The following MON2 variants were observed in gnomAD, a reference collection of about 807,000 sequenced individuals.
MON2 encodes MON2 regulator of endosome-to-Golgi trafficking.
MON2 carries 84 observed loss-of-function variants against 208.6 expected under a neutral mutation model. The ratio of observed to expected loss-of-function variants is 0.40; its 90% CI spans 0.34 to 0.48. The LOEUF (loss-of-function observed/expected upper bound fraction) is 0.48. Among genes scored for constraint, MON2 ranks in the 20% least tolerant of loss-of-function variants. The pLI is 0.59. For missense variants in MON2, 1,611 were observed against 2,015.4 expected (o/e 0.80, Z 3.84); for synonymous variants, 660 against 694.0 (o/e 0.95, Z 0.77).
Position 62,570,722 on chromosome 12 carries a change from C to CTTTTTTTT in MON2, c.4324-648_4324-641dup, listed in dbSNP as rs1192680038. On this transcript the variant is annotated intron_variant, in intron 29 of 34. Coordinates refer to ENST00000393630, the MANE Select transcript of MON2 (RefSeq NM_015026.3). ...ATAACTATGGCAGAATTTTCTTTTT[C>CTTTTTTTT]TTTTTTTTTTTTTTTTTTTTTTTTT... Among the ~76,000 whole-genome samples, 670 of 70,958 alleles carry CTTTTTTTT rather than the reference C, an allele frequency of 9.4e-3. 44 individuals carry two copies. Among genetic ancestry groups the CTTTTTTTT allele is most frequent in the African/African-American group, 0.01 (174 of 17,052 alleles). 46.6% of individuals were successfully genotyped at this position (70,958 alleles called of 152,430 possible). A position where few individuals can be genotyped will look rare whatever the true frequency, so the allele number is the denominator to read the frequency against.
chr12:62,572,206 A>G (rs2074617642), intron 30 of MON2, among the ~76,000 whole-genome samples: 1 of 152,236 alleles, frequency 6.6e-6, no homozygotes, highest in African/African-American at 2.4e-5. Context: ...AACTTTAAAT[A>G]AAATTAAAAT....
rs577622949 is a variant in MON2, at chr12:62,498,218, A to C, written c.436-701A>C. ...TTTCACAAATATTATTCTAAGTGGA[A>C]GAAGGTGGGCCCAAATGAGCACATA... On this transcript the variant is annotated intron_variant, in intron 4 of 34. Coordinates refer to ENST00000393630, the MANE Select transcript of MON2 (RefSeq NM_015026.3). Among the ~76,000 whole-genome samples the C allele has an allele frequency of 2.0e-5, 3 of 152,326 alleles. No homozygotes were observed. In the East Asian group the frequency reaches 5.8e-4, roughly 29 times the overall value.
intron 7 of MON2, among the ~76,000 whole-genome samples, chr12:62,502,844 T>A (rs1317650662): frequency 2.0e-5 from 3 of 152,218 alleles, no homozygotes; most frequent in African/African-American, 7.2e-5. Flanking sequence ...CATTTTATCC[T>A]TTGCTCTTAC....
intron 11 of MON2, among the ~76,000 whole-genome samples, chr12:62,530,366 G>A (rs2072571925): frequency 6.6e-6 from 1 of 151,590 alleles, no homozygotes; most frequent in Admixed American, 6.6e-5. Context: ...GAGTAGCTGT[G>A]ACTACAGGTT....
chr12:62,531,924 C>T (rs566087126), intron 11 of MON2, among the ~76,000 whole-genome samples: 53 of 152,202 alleles, frequency 3.5e-4, no homozygotes, highest in Non-Finnish European at 4.4e-5. Flanking sequence ...CACCTGCCAC[C>T]ACGCCTGGCT....
At chr12:62,590,031 T>G (rs1417391034) in intron 34 of MON2, among the ~76,000 whole-genome samples, 1 of 152,198 alleles carries the variant, frequency 6.6e-6, no homozygotes, top group Admixed American at 6.5e-5. Context: ...TTATTTGTTT[T>G]GGGGCTTTTT....
At chr12:62,497,158 G>C (rs1419804307) in intron 4 of MON2, among the ~76,000 whole-genome samples, 1 of 134,366 alleles carries the variant, frequency 7.4e-6, no homozygotes, top group African/African-American at 2.9e-5. Context: ...GGCCTGTTGT[G>C]GGGTTGGGGG....
At chr12:62,472,019 G>A (rs2068813921) in intron 1 of MON2, among the ~76,000 whole-genome samples, 1 of 152,184 alleles carries the variant, frequency 6.6e-6, no homozygotes, top group Non-Finnish European at 1.5e-5. Context: ...GAAGTAGGGG[G>A]TGGCAAGTTT....
intron 8 of MON2, among the ~76,000 whole-genome samples, chr12:62,519,942 A>G (rs903063739): frequency 6.6e-6 from 1 of 152,132 alleles, no homozygotes; most frequent in Non-Finnish European, 1.5e-5. Flanking sequence ...CAGCCTCTTG[A>G]GTAGCTGGGA....
intron 25 of MON2, 110 bp from the exon 26 acceptor site, chr12:62,560,381 T>C: frequency 9.3e-7 from 1 of 1,077,704 alleles, no homozygotes; most frequent in Non-Finnish European, 1.3e-6. Flanking sequence ...TTTCCAGTTC[T>C]GTAGGATTTT....
At chr12:62,523,499 T>A (rs1272286625) in intron 8 of MON2, among the ~76,000 whole-genome samples, 1 of 152,172 alleles carries the variant, frequency 6.6e-6, no homozygotes, top group Non-Finnish European at 1.5e-5. Context: ...TCATTAGCAG[T>A]CTAAATGATA....
intron 13 of MON2, 52 bp from the exon 14 acceptor site, chr12:62,535,473 C>A (rs368252062): frequency 9.2e-6 from 12 of 1,310,528 alleles, no homozygotes; most frequent in Non-Finnish European, 1.2e-5. Context: ...TCATGCTTTA[C>A]AATGTAATTA....
At position 62,501,683 on chromosome 12, in the gene MON2, G is replaced by A. The variant is rs768154548; in HGVS notation, c.774G>A (p.Pro258=). The A allele has an allele frequency of 1.4e-5, 23 of 1,613,964 alleles. No homozygotes were observed. Among genetic ancestry groups the A allele is most frequent in the East Asian group, 4.5e-5 (2 of 44,890 alleles). The change falls in exon 7 of 35, where the codon CCG becomes CCA. Residue 258 remains proline, a synonymous_variant. Transcript: ENST00000393630. ...TTGAGTCAGTCCTCAATGATTTTCC[G>A]CAGGTCTTTTTACAAGTAAGCCATT... is the stretch of plus-strand genomic sequence containing the variant. ...ELLESVLNDF[P]QVFLQHQEFS...
chr12:62,537,843 A>C (rs1371536082), intron 16 of MON2, 137 bp downstream of exon 16: 5 of 740,374 alleles, frequency 6.8e-6, no homozygotes, highest in Non-Finnish European at 1.1e-5. Flanking sequence ...GAAGTTAGAA[A>C]GGGAAAAAGA....
chr12:62,528,625 A>G (rs1334432241), intron 11 of MON2, among the ~76,000 whole-genome samples: 1 of 152,206 alleles, frequency 6.6e-6, no homozygotes, highest in Non-Finnish European at 1.5e-5. Flanking sequence ...CTAGTGCTTA[A>G]AGTCTGTGCC....
intron 1 of MON2, among the ~76,000 whole-genome samples, chr12:62,468,491 A>G (rs2068621770): frequency 6.6e-6 from 1 of 152,280 alleles, no homozygotes; most frequent in Non-Finnish European, 1.5e-5. Flanking sequence ...TGACCAATAA[A>G]TTTTGGATTT....
chr12:62,501,432 G>T, intron 6 of MON2, 141 bp from the exon 7 acceptor site: 1 of 830,358 alleles, frequency 1.2e-6, no homozygotes, highest in Non-Finnish European at 1.8e-6. Context: ...TGTCAAAATT[G>T]GAATTACCAG....
At chr12:62,588,981 A>ACCCT (rs1196051087) in intron 34 of MON2, 13 of 1,061,104 alleles carry the variant, frequency 1.2e-5, no homozygotes, top group Middle Eastern at 4.2e-4. Flanking sequence ...GAAGCACTCT[A>ACCCT]TTTGTATTAC....
intron 33 of MON2, 109 bp from the exon 34 acceptor site, chr12:62,587,965 G>A (rs1460938861): frequency 1.5e-6 from 1 of 672,198 alleles, no homozygotes; most frequent in Non-Finnish European, 2.6e-6. Flanking sequence ...ATTGTATTGT[G>A]TTCAGTATTT....
Sources: gnomAD v4.1 joint callset for allele counts (sites outside exome capture counted in the v4.1 genomes callset) on GRCh38, gnomAD v4.1.1 for gene constraint, MANE v1.5 for transcripts, NCBI Gene and HGNC (gene_info 2026-07-23, HGNC 2026-07-21) for gene names.